CERS5: variants seen among roughly 807,000 people sequenced by gnomAD.
The protein encoded by CERS5 is LAG1 homolog, ceramide synthase 5.
CERS5 carries 37 observed loss-of-function variants against 58.9 expected under a neutral mutation model. That is an observed-to-expected ratio of 0.63 (90% CI 0.48 to 0.83). The LOEUF (loss-of-function observed/expected upper bound fraction) is 0.83, where lower values mean the gene tolerates loss of function less well. Among genes scored for constraint, CERS5 ranks in the 40% least tolerant of loss-of-function variants. CERS5 has a pLI of 0.00. For synonymous variants in CERS5, 147 were observed against 177.8 expected, an observed-to-expected ratio of 0.83 and a Z score of 1.38; for missense variants, 398 against 489.3, an observed-to-expected ratio of 0.81 and a Z score of 1.76.
At position 50,153,789 on chromosome 12, in the gene CERS5, C is replaced by T. The variant is rs146908461; in HGVS notation, c.198-9732G>A. ...GGCCAATATGGTGAAACCCCATCTC[C>T]ACTAAAAATACAAAATTAACTGGGC... On this transcript the variant is annotated intron_variant, in intron 1 of 9. Transcript: ENST00000317551. 1,999 of 317,746 alleles carry T rather than the reference C, an allele frequency of 6.3e-3. 40 individuals are homozygous for T. Among genetic ancestry groups the T allele is most frequent in the African/African-American group, 0.036 (1,588 of 43,658 alleles). The allele number at this position is 317,746 out of a possible 1,614,324, so 19.7% of individuals were successfully genotyped here. A position where few individuals can be genotyped will look rare whatever the true frequency, so the allele number is the denominator to read the frequency against.
chr12:50,146,841 C>A (rs1952303789), intron 1 of CERS5, among the ~76,000 whole-genome samples: 4 of 104,166 alleles, frequency 3.8e-5, no homozygotes, highest in South Asian at 7.1e-4. Context: ...AGTGAGACTC[C>A]GTCTCAAAAA....
intron 9 of CERS5, chr12:50,134,119 A>ACCTTC (rs1951496813): frequency 5.5e-6 from 1 of 183,336 alleles, no homozygotes; most frequent in African/African-American, 2.5e-5. Flanking sequence ...GGTGGCTCAC[A>ACCTTC]CCTGTAATTC....
chr12:50,140,231 T>A (rs1036301112), intron 4 of CERS5, among the ~76,000 whole-genome samples: 1 of 151,934 alleles, frequency 6.6e-6, no homozygotes, highest in Non-Finnish European at 1.5e-5. Flanking sequence ...TTTCTTCTCT[T>A]GTGATTTTTT....
intron 1 of CERS5, 101 bp downstream of exon 1, chr12:50,167,000 G>C (rs1183729913): frequency 3.0e-6 from 3 of 997,296 alleles, no homozygotes; most frequent in Non-Finnish European, 4.2e-6. Context: ...CCCTGCTTCC[G>C]GGCTTTCCTT....
chr12:50,135,775 T>C lies in CERS5; in HGVS notation c.829A>G (p.Ser277Gly), dbSNP rs1472266129. The C allele has an allele frequency of 1.9e-6, 3 of 1,613,750 alleles. No individual in the cohort carries two copies. The highest frequency in any genetic ancestry group is 2.5e-6 in the Non-Finnish European group (3 of 1,179,958). The change falls in exon 8 of 10, where the codon AGT becomes GGT. Residue 277 changes from serine (S) to glycine (G), a missense_variant. By Grantham distance (56) the Ser-to-Gly change is moderately conservative. Coordinates refer to ENST00000317551, the MANE Select transcript of CERS5 (RefSeq NM_147190.5). ...RLCDTLFVIF[S>G]AVFMVTRLGI... ...AGTCGTGTAACCATAAAAACAGCACTGAAGATCACAAAAAGGGTGTCACAG... is the reference window on the plus strand; with the variant it reads ...AGTCGTGTAACCATAAAAACAGCACCGAAGATCACAAAAAGGGTGTCACAG...
At chr12:50,149,711 T>C (rs1231675253) in intron 1 of CERS5, among the ~76,000 whole-genome samples, 1 of 152,174 alleles carries the variant, frequency 6.6e-6, no homozygotes, top group Non-Finnish European at 1.5e-5. Context: ...TGGCCTCATA[T>C]ACCTTACTGT....
At chr12:50,131,619 A>G (rs1410396564) in intron 9 of CERS5, among the ~76,000 whole-genome samples, 1 of 151,912 alleles carries the variant, frequency 6.6e-6, no homozygotes, top group Non-Finnish European at 1.5e-5. Flanking sequence ...GATACACAGT[A>G]TAGTGAAAAC....
At chr12:50,131,744 G>A (rs1161524714) in intron 9 of CERS5, among the ~76,000 whole-genome samples, 1 of 151,936 alleles carries the variant, frequency 6.6e-6, no homozygotes, top group East Asian at 1.9e-4. Flanking sequence ...TGAAGCATTT[G>A]GATTACAGCA....
At chr12:50,144,802 A>G in intron 1 of CERS5, 1 of 1,527,768 alleles carries the variant, frequency 6.5e-7, no homozygotes. Context: ...CTAAAAGAAG[A>G]GGTTATATCA....
rs1951249339 is a variant in CERS5, at chr12:50,130,352, A to T, written c.*193T>A. On this transcript the variant is annotated 3_prime_UTR_variant, in exon 10 of 10. Coordinates refer to ENST00000317551, the MANE Select transcript of CERS5 (RefSeq NM_147190.5). ...AAAAACACACAGAGCAAATAACATT[A>T]CTGAAAGAACCTGGAGGCTATTAAA... 3 of 471,616 alleles carry T rather than the reference A, an allele frequency of 6.4e-6. No homozygotes were observed. The highest frequency in any genetic ancestry group is 1.1e-5 in the Non-Finnish European group (3 of 267,368). 29.2% of individuals were successfully genotyped at this position (471,616 alleles called of 1,614,324 possible).
At chr12:50,162,660 G>A (rs1220687733) in intron 1 of CERS5, among the ~76,000 whole-genome samples, 1 of 151,272 alleles carries the variant, frequency 6.6e-6, no homozygotes, top group Non-Finnish European at 1.5e-5. Context: ...CTGGAGTGCA[G>A]TGGTGTGATC....
chr12:50,159,668 G>A (rs1015171132), intron 1 of CERS5, among the ~76,000 whole-genome samples: 4 of 151,836 alleles, frequency 2.6e-5, no homozygotes, highest in South Asian at 2.1e-4. Flanking sequence ...ATCTTGGCTC[G>A]CTGCAACCTC....
chr12:50,144,097 A>G (rs1952131282), intron 1 of CERS5, 40 bp from the exon 2 acceptor site: 2 of 1,194,900 alleles, frequency 1.7e-6, no homozygotes, highest in South Asian at 2.4e-5. Flanking sequence ...CTTTTTAAAA[A>G]AATTTTATTT....
At chr12:50,149,931 C>T (rs561651311) in intron 1 of CERS5, among the ~76,000 whole-genome samples, 34 of 152,106 alleles carry the variant, frequency 2.2e-4, no homozygotes, top group African/African-American at 7.7e-4. Context: ...TTAGTAGAGA[C>T]GGGGTTTCAC....
chr12:50,151,595 C>CT (rs1463999006), intron 1 of CERS5, among the ~76,000 whole-genome samples: 4 of 152,148 alleles, frequency 2.6e-5, no homozygotes, highest in Non-Finnish European at 5.9e-5. Context: ...ACCTCATAAA[C>CT]TTACTAAAGA....
Position 50,143,169 on chromosome 12 carries a change from C to G in CERS5, c.339G>C (p.Lys113Asn), listed in dbSNP as rs750122456. ...PDKKRLEGLS[K>N]QLDWNVRKIQ... Reference sequence around the variant, plus strand: ...TTTTTCGGACATTCCAATCCAGCTGCTTTGACAGGCCCTCCAGCCTTTTCT... The same window carrying G: ...TTTTTCGGACATTCCAATCCAGCTGGTTTGACAGGCCCTCCAGCCTTTTCT... Residue 113 changes from lysine (K) to asparagine (N), a missense_variant, in exon 3 of 10, where the codon AAG (lysine) becomes AAC (asparagine). By Grantham distance (94) the Lys-to-Asn change is moderately conservative. Around this residue, in one of 3 missense-constraint regions of CERS5, gnomAD observed 328 missense variants for 384.5 expected, o/e 0.85. Transcript: ENST00000317551. 1 of 1,614,130 alleles carries G rather than the reference C, an allele frequency of 6.2e-7. No homozygotes were observed. Among genetic ancestry groups the G allele is most frequent in the East Asian group, 2.2e-5 (1 of 44,878 alleles).
chr12:50,147,949 A>T (rs575804515), intron 1 of CERS5, among the ~76,000 whole-genome samples: 42 of 150,812 alleles, frequency 2.8e-4, no homozygotes, highest in South Asian at 6.3e-4. Flanking sequence ...TAATTAAAAA[A>T]TTTTTTTTTT....
At chr12:50,142,159 G>A (rs1160605954) in intron 3 of CERS5, 49 bp from the exon 4 acceptor site, 2 of 1,286,310 alleles carry the variant, frequency 1.6e-6, no homozygotes, top group Non-Finnish European at 2.2e-6. Flanking sequence ...TCAAACCAAA[G>A]CCTCTGAGGC....
At chr12:50,149,397 T>C (rs1194821098) in intron 1 of CERS5, among the ~76,000 whole-genome samples, 1 of 152,196 alleles carries the variant, frequency 6.6e-6, no homozygotes, top group Non-Finnish European at 1.5e-5. Flanking sequence ...ACTCTGCCCT[T>C]TTCCTGCTCT....
Sources: gnomAD v4.1 joint callset for allele counts (sites outside exome capture counted in the v4.1 genomes callset) on GRCh38, gnomAD v4.1.1 for gene constraint, gnomAD v4.1.1 regional missense constraint, MANE v1.5 for transcripts, NCBI Gene and HGNC (gene_info 2026-07-23, HGNC 2026-07-21) for gene names.